The following PLCB1 variants were observed in gnomAD, a reference collection of about 807,000 sequenced individuals.
PLCB1 encodes phospholipase C beta 1.
Under a neutral mutation model 161.8 loss-of-function variants are expected in PLCB1, and 46 were observed. The ratio of observed to expected loss-of-function variants is 0.28; its 90% CI spans 0.22 to 0.36. The LOEUF (loss-of-function observed/expected upper bound fraction) is 0.36, where lower values mean the gene tolerates loss of function less well. PLCB1 is among the 10% of genes least tolerant of loss of function. PLCB1 has a pLI of 1.00. For synonymous variants in PLCB1, 517 were observed against 503.7 expected (o/e 1.03, Z -0.35); for missense variants, 1,016 against 1,472.5 (o/e 0.69, Z 5.07).
intron 7 of PLCB1, among the ~76,000 whole-genome samples, chr20:8,655,501 C>T (rs977102281): frequency 1.3e-5 from 2 of 152,004 alleles, no homozygotes; most frequent in Admixed American, 1.3e-4. Context: ...GTGATGTGTG[C>T]ACAACTGGAA....
At chr20:8,464,991 T>C (rs1981754806) in intron 3 of PLCB1, among the ~76,000 whole-genome samples, 1 of 152,174 alleles carries the variant, frequency 6.6e-6, no homozygotes, top group African/African-American at 2.4e-5. Flanking sequence ...ATTTGGTCAT[T>C]TTTTAATAGT....
At chr20:8,731,753 A>G (rs1391907039) in intron 18 of PLCB1, among the ~76,000 whole-genome samples, 1 of 152,000 alleles carries the variant, frequency 6.6e-6, no homozygotes, top group Non-Finnish European at 1.5e-5. Flanking sequence ...TTATTTTTAG[A>G]ACATATGACT....
chr20:8,327,120 A>G (rs1985185160), intron 2 of PLCB1, among the ~76,000 whole-genome samples: 1 of 152,128 alleles, frequency 6.6e-6, no homozygotes, highest in Non-Finnish European at 1.5e-5. Flanking sequence ...TTTTGAGCTC[A>G]AGTTATCCAC....
chr20:8,537,730 T>C (rs184525556), intron 3 of PLCB1, among the ~76,000 whole-genome samples: 3 of 152,316 alleles, frequency 2.0e-5, no homozygotes, highest in East Asian at 1.9e-4. Flanking sequence ...TGGAGCCTCC[T>C]AAAATTCTCC....
chr20:8,314,976 G>A (rs1436336826), intron 2 of PLCB1, among the ~76,000 whole-genome samples: 1 of 152,192 alleles, frequency 6.6e-6, no homozygotes, highest in African/African-American at 2.4e-5. Flanking sequence ...AATTGTGGAA[G>A]CTATTAAACA....
intron 1 of PLCB1, among the ~76,000 whole-genome samples, chr20:8,144,683 A>G (rs1360530458): frequency 6.6e-6 from 1 of 152,182 alleles, no homozygotes; most frequent in Non-Finnish European, 1.5e-5. Context: ...TTAGTTTGAC[A>G]AGCATCACAT....
intron 2 of PLCB1, among the ~76,000 whole-genome samples, chr20:8,286,115 A>G (rs1983108923): frequency 1.3e-5 from 2 of 152,240 alleles, no homozygotes. Flanking sequence ...ACCTGAGGTC[A>G]GGAGTTCGAG....
chr20:8,802,191 G>A lies in PLCB1; in HGVS notation c.3423+11930G>A, dbSNP rs1385412625. ...CCGGCCAGGTAGGACTGGATGGGAG[G>A]GGTCGCTTTTGAGAGAAGGGTGGTG... On this transcript the variant is annotated intron_variant, in intron 31 of 31. Coordinates refer to ENST00000338037, the MANE Select transcript of PLCB1 (RefSeq NM_015192.4). The A allele has an allele frequency of 3.6e-6, 5 of 1,407,512 alleles. No individual in the cohort carries two copies. In the African/African-American group the frequency reaches 7.1e-5, roughly 20 times the overall value. The allele number at this position is 1,407,512 out of a possible 1,614,324, so 87.2% of individuals were successfully genotyped here.
At chr20:8,717,620 T>C in intron 13 of PLCB1, 51 bp from the exon 14 acceptor site, 2 of 1,436,866 alleles carry the variant, frequency 1.4e-6, no homozygotes, top group Non-Finnish European at 1.9e-6. Flanking sequence ...GGGGAGGGGA[T>C]CTGAAAGAGG....
intron 27 of PLCB1, among the ~76,000 whole-genome samples, 167 bp from the exon 28 acceptor site, chr20:8,788,282 T>C (rs1568599742): frequency 6.6e-6 from 1 of 152,238 alleles, no homozygotes; most frequent in Non-Finnish European, 1.5e-5. Context: ...GATAATATGA[T>C]GGTTCTAAAT....
chr20:8,523,396 ATATGTG>A (rs1245683351), intron 3 of PLCB1, among the ~76,000 whole-genome samples: 1 of 61,232 alleles, frequency 1.6e-5, no homozygotes, highest in Non-Finnish European at 2.8e-5. Context: ...ATCATAACAA[ATATGTG>A]TGTGTGTGTG....
intron 31 of PLCB1, among the ~76,000 whole-genome samples, chr20:8,810,174 T>C (rs769232314): frequency 1.3e-5 from 2 of 152,192 alleles, no homozygotes; most frequent in African/African-American, 2.4e-5. Flanking sequence ...TTTGAAAATG[T>C]AATACCATCT....
intron 2 of PLCB1, chr20:8,256,969 T>C (rs546539931): frequency 6.6e-6 from 1 of 152,300 alleles, no homozygotes; most frequent in African/African-American, 2.4e-5. Context: ...TTGTGAATCT[T>C]GTGTTACTGA....
At chr20:8,338,751 AT>A (rs1315426028) in intron 2 of PLCB1, among the ~76,000 whole-genome samples, 1 of 152,210 alleles carries the variant, frequency 6.6e-6, no homozygotes, top group Admixed American at 6.5e-5. Flanking sequence ...AAGATAGAAC[AT>A]TTCATGGTCC....
intron 31 of PLCB1, among the ~76,000 whole-genome samples, chr20:8,859,378 A>G (rs1379878142): frequency 6.6e-6 from 1 of 152,216 alleles, no homozygotes; most frequent in African/African-American, 2.4e-5. Flanking sequence ...TGTGATGTGT[A>G]TGTGGATTAC....
intron 1 of PLCB1, among the ~76,000 whole-genome samples, chr20:8,137,266 A>G (rs955120742): frequency 6.6e-6 from 1 of 152,228 alleles, no homozygotes; most frequent in Non-Finnish European, 1.5e-5. Flanking sequence ...TGACAAGATG[A>G]CACTCACAAG....
intron 15 of PLCB1, among the ~76,000 whole-genome samples, chr20:8,724,002 C>G (rs1327056310): frequency 6.7e-6 from 1 of 149,668 alleles, no homozygotes; most frequent in Non-Finnish European, 1.5e-5. Flanking sequence ...ACAGTGAATT[C>G]TTAATTTACG....
At chr20:8,758,781 T>G (rs1425914176) in intron 24 of PLCB1, among the ~76,000 whole-genome samples, 2 of 152,216 alleles carry the variant, frequency 1.3e-5, no homozygotes, top group African/African-American at 4.8e-5. Flanking sequence ...ATTTTCACAT[T>G]TAATTTTTTT....
At chr20:8,215,325 A>C (rs2123152195) in intron 2 of PLCB1, among the ~76,000 whole-genome samples, 1 of 150,252 alleles carries the variant, frequency 6.7e-6, no homozygotes, top group African/African-American at 2.4e-5. Flanking sequence ...GCTAACAGAG[A>C]AAAAAAAAAG....
Sources: gnomAD v4.1 joint callset for allele counts (sites outside exome capture counted in the v4.1 genomes callset) on GRCh38, gnomAD v4.1.1 for gene constraint, MANE v1.5 for transcripts, NCBI Gene and HGNC (gene_info 2026-07-23, HGNC 2026-07-21) for gene names.